Variants in ANO6 observed in about 807,000 individuals in gnomAD.
ANO6 encodes anoctamin-6.
ANO6 carries 106 observed loss-of-function variants against 117.5 expected under a neutral mutation model. That is an observed-to-expected ratio of 0.90 (90% CI 0.77 to 1.06). The LOEUF (loss-of-function observed/expected upper bound fraction) is 1.06, where lower values mean the gene tolerates loss of function less well. Among genes scored for constraint, ANO6 ranks in the 50% least tolerant of loss-of-function variants. The pLI is 0.00. For synonymous variants in ANO6, 367 were observed against 385.1 expected (o/e 0.95, Z 0.55); for missense variants, 955 against 1,121.1 (o/e 0.85, Z 2.12).
At position 45,431,835 on chromosome 12, in the gene ANO6, C is replaced by G. The variant is rs1411738924; in HGVS notation, c.*2524C>G. ...CCTTCAGCCTGTCCAGTGTTAACCA[C>G]TAGAGAAACTGAGCTTTATATCCTT... On this transcript the variant is annotated 3_prime_UTR_variant, in exon 20 of 20. Coordinates refer to ENST00000320560, the MANE Select transcript of ANO6 (RefSeq NM_001025356.3). The G allele has an allele frequency of 1.0e-6, 1 of 985,282 alleles. No homozygotes were observed. Among genetic ancestry groups the G allele is most frequent in the Non-Finnish European group, 1.2e-6 (1 of 829,942 alleles). The allele number at this position is 985,282 out of a possible 1,614,324, so 61.0% of individuals were successfully genotyped here.
downstream of ANO6, among the ~76,000 whole-genome samples, chr12:45,435,319 A>G (rs1243607658): frequency 6.6e-6 from 1 of 152,238 alleles, no homozygotes; most frequent in African/African-American, 2.4e-5. Flanking sequence ...TAGCTGCTGC[A>G]CCTAATAGTA....
At chr12:45,280,834 T>C (rs1592911550) in intron 1 of ANO6, among the ~76,000 whole-genome samples, 1 of 152,084 alleles carries the variant, frequency 6.6e-6, no homozygotes, top group Non-Finnish European at 1.5e-5. Flanking sequence ...TGCATATACA[T>C]TGTGTGCATG....
intron 1 of ANO6, among the ~76,000 whole-genome samples, chr12:45,217,798 T>G (rs1449845706): frequency 1.3e-5 from 2 of 152,220 alleles, no homozygotes; most frequent in Non-Finnish European, 2.9e-5. Context: ...GAGTGAAATT[T>G]AAAAAGTTAC....
chr12:45,418,983 T>G (rs1001543394), intron 17 of ANO6, among the ~76,000 whole-genome samples: 1 of 152,154 alleles, frequency 6.6e-6, no homozygotes, highest in South Asian at 2.1e-4. Flanking sequence ...TCTTATTCCC[T>G]CAAACACCCA....
intron 1 of ANO6, among the ~76,000 whole-genome samples, chr12:45,291,799 A>G (rs759611878): frequency 1.3e-5 from 2 of 152,160 alleles, no homozygotes; most frequent in African/African-American, 2.4e-5. Flanking sequence ...TTTTAATCAA[A>G]TAAGAGCACA....
At chr12:45,412,419 G>C (rs1943109228) in intron 16 of ANO6, among the ~76,000 whole-genome samples, 2 of 152,130 alleles carry the variant, frequency 1.3e-5, no homozygotes, top group South Asian at 4.1e-4. Flanking sequence ...TTTAAAATCT[G>C]CTAAAACAAT....
At chr12:45,288,819 C>T (rs983504053) in intron 1 of ANO6, among the ~76,000 whole-genome samples, 1 of 152,162 alleles carries the variant, frequency 6.6e-6, no homozygotes, top group Non-Finnish European at 1.5e-5. Context: ...ACTATCGCAG[C>T]TCACTGCAAG....
intron 2 of ANO6, among the ~76,000 whole-genome samples, chr12:45,313,806 G>A (rs1464733107): frequency 6.6e-6 from 1 of 152,074 alleles, no homozygotes; most frequent in African/African-American, 2.4e-5. Flanking sequence ...ACTTACACGT[G>A]CTAATGTAAT....
At chr12:45,294,600 C>G (rs1292869875) in intron 1 of ANO6, among the ~76,000 whole-genome samples, 1 of 152,070 alleles carries the variant, frequency 6.6e-6, no homozygotes, top group Non-Finnish European at 1.5e-5. Context: ...AAGAGACTGC[C>G]ACTTTTTTTG....
chr12:45,266,032 C>T (rs1938203379), intron 1 of ANO6, among the ~76,000 whole-genome samples: 1 of 152,196 alleles, frequency 6.6e-6, no homozygotes, highest in South Asian at 2.1e-4. Flanking sequence ...CCCAGATTGG[C>T]TTAGACCCTA....
At chr12:45,291,346 CAAAAAAAAAAAAAA>C (rs747924513) in intron 1 of ANO6, among the ~76,000 whole-genome samples, 1 of 48,240 alleles carries the variant, frequency 2.1e-5, no homozygotes, top group Non-Finnish European at 4.0e-5. Context: ...AACTCCGTCT[CAAAAAAAAAAAAAA>C]AAAAAAAAAC....
At chr12:45,389,714 G>A (rs1942391099) in intron 11 of ANO6, among the ~76,000 whole-genome samples, 1 of 152,110 alleles carries the variant, frequency 6.6e-6, no homozygotes, top group Non-Finnish European at 1.5e-5. Context: ...GGTGATCTTG[G>A]ACCAATTAGT....
At chr12:45,241,075 C>T (rs542994610) in intron 1 of ANO6, among the ~76,000 whole-genome samples, 67 of 151,786 alleles carry the variant, frequency 4.4e-4, no homozygotes, top group Non-Finnish European at 8.5e-4. Flanking sequence ...TCTCTGTATT[C>T]CCTGAATTTG....
chr12:45,274,909 CT>C (rs1427271587), intron 1 of ANO6, among the ~76,000 whole-genome samples: 2 of 150,198 alleles, frequency 1.3e-5, no homozygotes, highest in East Asian at 2.0e-4. Flanking sequence ...GCTGTCACCC[CT>C]GACTTATCTA....
At chr12:45,425,916 G>T (rs1592054102) in intron 19 of ANO6, among the ~76,000 whole-genome samples, 1 of 152,180 alleles carries the variant, frequency 6.6e-6, no homozygotes, top group Non-Finnish European at 1.5e-5. Flanking sequence ...CCACTATAGA[G>T]TAAGTCCTCA....
At chr12:45,410,649 G>A (rs953211236) in intron 16 of ANO6, among the ~76,000 whole-genome samples, 1 of 152,082 alleles carries the variant, frequency 6.6e-6, no homozygotes, top group Non-Finnish European at 1.5e-5. Context: ...TTAAGCTTAG[G>A]AGAATAGAAA....
chr12:45,217,702 ATTAATGCTC>A lies in ANO6; in HGVS notation c.70+1315_70+1323del, dbSNP rs1216922288. ...TTTCTGACTTGTAAAACCAGTGAAGATTAATGCTCTTACCACTGGGTCACTCTGGCTGTT... is the reference window on the plus strand; with the variant it reads ...TTTCTGACTTGTAAAACCAGTGAAGATTACCACTGGGTCACTCTGGCTGTT... On this transcript the variant is annotated intron_variant, in intron 1 of 19. Coordinates refer to ENST00000320560, the MANE Select transcript of ANO6 (RefSeq NM_001025356.3). Among the ~76,000 whole-genome samples, 27 of 152,232 alleles carry A rather than the reference ATTAATGCTC, an allele frequency of 1.8e-4. 1 individual carries two copies. The highest frequency in any genetic ancestry group is 6.3e-4 in the African/African-American group (26 of 41,458).
At chr12:45,372,807 A>T (rs988464232) in intron 9 of ANO6, among the ~76,000 whole-genome samples, 17 of 152,290 alleles carry the variant, frequency 1.1e-4, no homozygotes, top group African/African-American at 4.1e-4. Flanking sequence ...CATCAACTAA[A>T]GAGCAAAATC....
At chr12:45,367,019 T>C (rs1469123362) in intron 8 of ANO6, among the ~76,000 whole-genome samples, 3 of 152,196 alleles carry the variant, frequency 2.0e-5, no homozygotes, top group African/African-American at 7.2e-5. Context: ...TCTCACTCTG[T>C]CACCCAGGCT....
Sources: allele counts gnomAD v4.1 joint callset (sites outside exome capture counted in the v4.1 genomes callset), GRCh38; gene constraint gnomAD v4.1.1; transcripts MANE v1.5; gene names NCBI Gene and HGNC (gene_info 2026-07-23, HGNC 2026-07-21).